SPIDR: variants seen among roughly 807,000 people sequenced by gnomAD.
The protein encoded by SPIDR is scaffold protein involved in DNA repair, also known as DNA repair-scaffolding protein.
A neutral mutation model predicts 104.6 loss-of-function variants in SPIDR; 93 were observed. That is an observed-to-expected ratio of 0.89 (90% CI 0.75 to 1.06). The LOEUF is 1.06. SPIDR is among the 50% of genes least tolerant of loss of function. The probability of loss-of-function intolerance (pLI) is 0.00; values close to 1 mark genes in which losing one functional copy is unlikely to be tolerated. For synonymous variants in SPIDR, 431 were observed against 416.9 expected, an observed-to-expected ratio of 1.03 and a Z score of -0.41; for missense variants, 1,154 against 1,111.2, an observed-to-expected ratio of 1.04 and a Z score of -0.55.
chr8:47,421,185 G>C (rs897025567), intron 7 of SPIDR, among the ~76,000 whole-genome samples: 2 of 152,190 alleles, frequency 1.3e-5, no homozygotes, highest in African/African-American at 2.4e-5. Context: ...AGTTCTCCTG[G>C]ATAATATCCT....
At chr8:47,703,616 C>CA (rs781017603) in intron 14 of SPIDR, among the ~76,000 whole-genome samples, 125 of 152,278 alleles carry the variant, frequency 8.2e-4, no homozygotes, top group Non-Finnish European at 1.2e-3. Flanking sequence ...TTACAGACAC[C>CA]AAAATTTGAA....
chr8:47,678,106 T>C (rs2076664791), intron 11 of SPIDR, among the ~76,000 whole-genome samples: 1 of 152,158 alleles, frequency 6.6e-6, no homozygotes, highest in Non-Finnish European at 1.5e-5. Context: ...TCCCTGTTTG[T>C]ACTATGCTCC....
chr8:47,612,567 T>A (rs2063735795), intron 10 of SPIDR, among the ~76,000 whole-genome samples: 1 of 152,250 alleles, frequency 6.6e-6, no homozygotes, highest in Non-Finnish European at 1.5e-5. Flanking sequence ...TCTGGTAATT[T>A]ACTTTTATGT....
At chr8:47,285,364 A>G (rs2038636702) in intron 3 of SPIDR, among the ~76,000 whole-genome samples, 1 of 152,232 alleles carries the variant, frequency 6.6e-6, no homozygotes, top group East Asian at 1.9e-4. Context: ...ACTAGTACAC[A>G]TCTTTTAAAT....
intron 5 of SPIDR, among the ~76,000 whole-genome samples, chr8:47,327,974 A>G (rs2047975318): frequency 6.6e-6 from 1 of 150,684 alleles, no homozygotes; most frequent in South Asian, 2.1e-4. Context: ...CTGGGATTAC[A>G]GGCATGAGCC....
chr8:47,490,907 A>G (rs2078593765), intron 8 of SPIDR, among the ~76,000 whole-genome samples: 1 of 152,226 alleles, frequency 6.6e-6, no homozygotes, highest in African/African-American at 2.4e-5. Flanking sequence ...ATGACGGTGA[A>G]TGGGTGCAGC....
In SPIDR at chr8:47,721,979, C is replaced by T. The variant is rs185411888; in HGVS notation, c.2342-5221C>T. Among the ~76,000 whole-genome samples, 18 of 152,224 alleles carry T rather than the reference C, an allele frequency of 1.2e-4. No homozygotes were observed. In the East Asian group the frequency reaches 3.3e-3, roughly 28 times the overall value. On this transcript the variant is annotated intron_variant, in intron 16 of 19. Coordinates refer to ENST00000297423, the MANE Select transcript of SPIDR (RefSeq NM_001080394.4). ...TGTAGATCAGGTGGGGAAAAAATGA[C>T]ATGTTGTAATACTAGAGCCTTCTTA...
chr8:47,583,230 C>G (rs372507366), intron 8 of SPIDR, among the ~76,000 whole-genome samples: 77 of 149,260 alleles, frequency 5.2e-4, no homozygotes, highest in African/African-American at 1.8e-3. Flanking sequence ...TGCGTGAACC[C>G]AGGAGGCGGA....
intron 5 of SPIDR, among the ~76,000 whole-genome samples, chr8:47,312,017 G>A (rs1451367560): frequency 6.6e-6 from 1 of 152,108 alleles, no homozygotes; most frequent in East Asian, 1.9e-4. Flanking sequence ...ATGGTTTCCA[G>A]TTTGATCCAT....
intron 1 of SPIDR, among the ~76,000 whole-genome samples, chr8:47,274,785 A>C (rs2036043433): frequency 1.3e-5 from 2 of 151,618 alleles, no homozygotes; most frequent in African/African-American, 4.8e-5. Context: ...CAGATTGGCC[A>C]GGCTGGCCTT....
chr8:47,296,237 G>A (rs1221676065), intron 5 of SPIDR, among the ~76,000 whole-genome samples: 6 of 152,084 alleles, frequency 3.9e-5, no homozygotes, highest in African/African-American at 1.2e-4. Context: ...CTTTTGCTCT[G>A]TTGTTTCTTT....
intron 8 of SPIDR, among the ~76,000 whole-genome samples, chr8:47,586,691 T>C (rs1358084240): frequency 1.3e-5 from 2 of 152,202 alleles, no homozygotes; most frequent in East Asian, 3.9e-4. Flanking sequence ...AGCTTGTCTT[T>C]CCATCCTCCA....
At chr8:47,370,281 C>T (rs556423552) in intron 5 of SPIDR, among the ~76,000 whole-genome samples, 59 of 152,046 alleles carry the variant, frequency 3.9e-4, no homozygotes, top group African/African-American at 1.3e-3. Flanking sequence ...GCATAGGAGG[C>T]GCAATGTTGA....
At chr8:47,583,891 A>G (rs1339843028) in intron 8 of SPIDR, among the ~76,000 whole-genome samples, 6 of 152,168 alleles carry the variant, frequency 3.9e-5, no homozygotes, top group Non-Finnish European at 8.8e-5. Context: ...GGAGCATCAC[A>G]TCCGAGTCAC....
chr8:47,448,148 G>T (rs1264681519), intron 8 of SPIDR, among the ~76,000 whole-genome samples: 1 of 152,018 alleles, frequency 6.6e-6, no homozygotes, highest in African/African-American at 2.4e-5. Context: ...TAATAATTTT[G>T]TTATTTCCTT....
intron 8 of SPIDR, among the ~76,000 whole-genome samples, chr8:47,531,964 A>G (rs2086086705): frequency 1.3e-5 from 2 of 152,196 alleles, no homozygotes; most frequent in African/African-American, 4.8e-5. Context: ...CAAATAATAG[A>G]AGACAGTAAC....
At chr8:47,452,473 G>A (rs2071999449) in intron 8 of SPIDR, among the ~76,000 whole-genome samples, 1 of 152,136 alleles carries the variant, frequency 6.6e-6, no homozygotes, top group African/African-American at 2.4e-5. Context: ...ATCAAATACT[G>A]GCAAACCGAA....
chr8:47,440,756 G>T (rs956277024), intron 8 of SPIDR, among the ~76,000 whole-genome samples: 1 of 152,216 alleles, frequency 6.6e-6, no homozygotes, highest in Admixed American at 6.5e-5. Context: ...AATTTGGGGT[G>T]AGAGGGTTGA....
At chr8:47,405,236 G>A (rs1428253883) in intron 6 of SPIDR, among the ~76,000 whole-genome samples, 1 of 151,788 alleles carries the variant, frequency 6.6e-6, no homozygotes, top group African/African-American at 2.4e-5. Flanking sequence ...GATAGCATTA[G>A]GAGAAATACC....
Sources: gnomAD v4.1 joint callset for allele counts (sites outside exome capture counted in the v4.1 genomes callset) on GRCh38, gnomAD v4.1.1 for gene constraint, MANE v1.5 for transcripts, NCBI Gene and HGNC (gene_info 2026-07-23, HGNC 2026-07-21) for gene names.